ZAP70: variants seen among roughly 807,000 people sequenced by gnomAD.
ZAP70 encodes the protein zeta chain of T cell receptor associated protein kinase 70.
ZAP70 carries 27 observed loss-of-function variants against 65.8 expected under a neutral mutation model. The ratio of observed to expected loss-of-function variants is 0.41; its 90% confidence interval spans 0.30 to 0.57. The LOEUF (loss-of-function observed/expected upper bound fraction) is 0.57. Among genes scored for constraint, ZAP70 ranks in the 20% least tolerant of loss-of-function variants. ZAP70 has a pLI of 0.28. For missense variants in ZAP70, 696 were observed against 870.5 expected (o/e 0.80, Z 2.52); for synonymous variants, 363 against 360.8 (o/e 1.01, Z -0.07).
chr2:97,722,230 G>A (rs917779915), intron 2 of ZAP70, among the ~76,000 whole-genome samples: 9 of 151,946 alleles, frequency 5.9e-5, no homozygotes, highest in South Asian at 2.1e-4. Context: ...ACAGGTGCCC[G>A]CCACCACCTC....
chr2:97,734,290 C>A lies in ZAP70; in HGVS notation c.890-230C>A, dbSNP rs56151661. ...GGTGCCACGTGGATACCAATGCACA[C>A]GCCCCTAGAGTCCACCCTCATGTGG... On this transcript the variant is annotated intron_variant, in intron 8 of 13. Coordinates refer to ENST00000264972, the MANE Select transcript of ZAP70 (RefSeq NM_001079.4). 1,017 of 1,262,790 alleles carry A rather than the reference C, an allele frequency of 8.1e-4. 7 individuals carry two copies. In the African/African-American group the frequency reaches 0.011, roughly 14 times the overall value. The allele number at this position is 1,262,790 out of a possible 1,614,324, so 78.2% of individuals were successfully genotyped here. A position where few individuals can be genotyped will look rare whatever the true frequency, so the allele number is the denominator to read the frequency against.
At chr2:97,742,395 C>G (rs1242516290), downstream of ZAP70, among the ~76,000 whole-genome samples, 3 of 152,348 alleles carry the variant, frequency 2.0e-5, no homozygotes, top group South Asian at 6.2e-4. Context: ...TTGACAGATG[C>G]CACCTCTTGC....
At chr2:97,722,582 A>T (rs1677204503) in intron 2 of ZAP70, among the ~76,000 whole-genome samples, 1 of 152,122 alleles carries the variant, frequency 6.6e-6, no homozygotes, top group African/African-American at 2.4e-5. Flanking sequence ...ATGTCTATTA[A>T]ATAAGGTGCC....
chr2:97,734,750 T>A, intron 9 of ZAP70, 38 bp downstream of exon 9: 2 of 1,609,750 alleles, frequency 1.2e-6, no homozygotes, highest in Admixed American at 1.7e-5. Flanking sequence ...CACCGCCGCC[T>A]GGGGCAGAGG....
intron 4 of ZAP70, 82 bp from the exon 5 acceptor site, chr2:97,732,801 G>T: frequency 6.3e-7 from 1 of 1,588,028 alleles, no homozygotes; most frequent in South Asian, 1.1e-5. Flanking sequence ...GGAGCCCATA[G>T]GGTGTGTTGC....
intron 2 of ZAP70, among the ~76,000 whole-genome samples, chr2:97,717,101 C>A (rs1676949656): frequency 6.6e-6 from 1 of 152,210 alleles, no homozygotes; most frequent in Admixed American, 6.5e-5. Context: ...ACGACCAGTG[C>A]CTATGCTGCC....
At chr2:97,721,685 G>A (rs1331585886) in intron 2 of ZAP70, among the ~76,000 whole-genome samples, 1 of 150,598 alleles carries the variant, frequency 6.6e-6, no homozygotes, top group Non-Finnish European at 1.5e-5. Context: ...ACCCGCCTCG[G>A]CCTCCCATAA....
chr2:97,732,797 C>T (rs1677663174), intron 4 of ZAP70, 86 bp from the exon 5 acceptor site: 2 of 1,580,012 alleles, frequency 1.3e-6, no homozygotes, highest in East Asian at 2.3e-5. Context: ...GTGTGGAGCC[C>T]ATAGGGTGTG....
chr2:97,730,376 T>A (rs766252647), intron 4 of ZAP70, among the ~76,000 whole-genome samples: 1 of 152,216 alleles, frequency 6.6e-6, no homozygotes, highest in Non-Finnish European at 1.5e-5. Context: ...GCTGGAAGAT[T>A]GGCTGGAGCT....
chr2:97,738,951 A>C (rs1306206105), intron 13 of ZAP70, among the ~76,000 whole-genome samples: 2 of 152,120 alleles, frequency 1.3e-5, no homozygotes, highest in African/African-American at 4.8e-5. Flanking sequence ...GCCATGCTCC[A>C]GGCTTCTGCT....
Position 97,733,300 on chromosome 2 carries a change from C to T in ZAP70, c.794C>T (p.Ala265Val), listed in dbSNP as rs1485459282. The change falls in exon 7 of 14, where the codon GCT (alanine) becomes GTT (valine). Residue 265 changes from alanine (A) to valine (V), a missense_variant. Ala to Val is a moderately conservative substitution (Grantham distance 64, BLOSUM62 0). Transcript: ENST00000264972. ...PNSSASNASGAAAPTLPAHPS... is the reference protein window; with the variant it reads ...PNSSASNASGVAAPTLPAHPS... ...ACTGTCCCTTCTGCTCCCCCAGGGG[C>T]TGCTGCTCCCACACTCCCAGCCCAC... is the stretch of plus-strand genomic sequence containing the variant. 1.2e-6 allele frequency: 2 copies of T among 1,602,936 alleles called. No individual in the cohort carries two copies. Among genetic ancestry groups the T allele is most frequent in the Non-Finnish European group, 1.7e-6 (2 of 1,173,808 alleles).
In ZAP70 at chr2:97,731,173, A is replaced by AGG. The variant is rs1049171689; in HGVS notation, c.564-1709_564-1708dup. 6.6e-6 allele frequency among the ~76,000 whole-genome samples: 1 copy of AGG among 151,698 alleles called. No homozygotes were observed. Among genetic ancestry groups the AGG allele is most frequent in the Non-Finnish European group, 1.5e-5 (1 of 67,968 alleles). ...TTTAAAACTTCAGGTTGTGACCCTT[A>AGG]GGAGGTGTTTTCACTTCTCACAGTC... On this transcript the variant is annotated intron_variant, in intron 4 of 13. Transcript: ENST00000264972. This position sits in a 1 kb window ranked among gnomAD's most constrained non-coding sequence, Gnocchi z 4.0.
rs1439654439 is a variant in ZAP70 at position 97,715,826 on chromosome 2, C to A, written c.-22+1832C>A. On this transcript the variant is annotated intron_variant, in intron 2 of 13. Coordinates refer to ENST00000264972, the MANE Select transcript of ZAP70 (RefSeq NM_001079.4). This position sits in a 1 kb window ranked among gnomAD's most constrained non-coding sequence, Gnocchi z 4.1. ...AATTAGAATAAATGGCTAATGCTCG[C>A]AAAGGGTAGTGCAGTCCCCAGCACA... Among the ~76,000 whole-genome samples, 1 of 152,204 alleles carries A rather than the reference C, an allele frequency of 6.6e-6. No individual in the cohort carries two copies. Among genetic ancestry groups the A allele is most frequent in the South Asian group, 2.1e-4 (1 of 4,830 alleles).
intron 2 of ZAP70, among the ~76,000 whole-genome samples, chr2:97,721,727 G>A (rs942640565): frequency 6.0e-5 from 9 of 150,696 alleles, no homozygotes; most frequent in South Asian, 2.1e-4. Flanking sequence ...CACCGCAGCC[G>A]GCCAATCTTT....
At chr2:97,734,373 G>A (rs566698608) in intron 8 of ZAP70, 147 bp from the exon 9 acceptor site, 1 of 1,441,230 alleles carries the variant, frequency 6.9e-7, no homozygotes, top group Non-Finnish European at 9.1e-7. Context: ...GCGTGTGGAT[G>A]TGCAGGAACA....
downstream of ZAP70, among the ~76,000 whole-genome samples, chr2:97,740,645 AG>A (rs58207217): frequency 4.5e-3 from 686 of 152,290 alleles, 17 homozygotes; most frequent in East Asian, 0.068. Context: ...ATGTCCGCTG[AG>A]GAACCAACGA....
At chr2:97,727,502 T>C (rs139021974) in intron 4 of ZAP70, among the ~76,000 whole-genome samples, 1 of 152,144 alleles carries the variant, frequency 6.6e-6, no homozygotes, top group East Asian at 1.9e-4. Context: ...CTCGCCAAGA[T>C]GTTAGTAATG....
chr2:97,745,655 C>G, the ZAP70 span, among the ~76,000 whole-genome samples: 1 of 152,184 alleles, frequency 6.6e-6, no homozygotes, highest in East Asian at 1.9e-4. Context: ...GTGCACACAC[C>G]GTAACTACGG....
At position 97,733,172 on chromosome 2, in the gene ZAP70, G is replaced by A. The variant is rs777749299; in HGVS notation, c.750G>A (p.Leu250=). 2 of 1,613,756 alleles carry A rather than the reference G, an allele frequency of 1.2e-6. No individual in the cohort carries two copies. Among genetic ancestry groups the A allele is most frequent in the Admixed American group, 1.7e-5 (1 of 60,000 alleles). Residue 250 remains leucine (L), a synonymous_variant, in exon 6 of 14, where the codon CTG becomes CTA. Coordinates refer to ENST00000264972, the MANE Select transcript of ZAP70 (RefSeq NM_001079.4). ...AGGCGGACGGGCTCATCTACTGCCT[G>A]AAGGAGGCCTGCCCCAACAGCAGTG... ...KLKADGLIYC[L]KEACPNSSAS...
Sources: gnomAD v4.1 joint callset for allele counts (sites outside exome capture counted in the v4.1 genomes callset) on GRCh38, gnomAD v4.1.1 for gene constraint, Gnocchi (gnomAD v3.1) non-coding constraint, MANE v1.5 for transcripts, NCBI Gene and HGNC (gene_info 2026-07-23, HGNC 2026-07-21) for gene names.